Variants in RBFOX1 observed in about 807,000 individuals in gnomAD.
RBFOX1 encodes RNA binding protein fox-1 homolog 1.
RBFOX1 carries 8 observed loss-of-function variants against 57.7 expected under a neutral mutation model. The observed-to-expected ratio is 0.14, with a 90% CI of 0.08 to 0.25. The LOEUF is 0.25. RBFOX1 is among the 10% of genes least tolerant of loss of function. The pLI, the probability that RBFOX1 is intolerant of heterozygous loss-of-function variation, is 1.00. For missense variants in RBFOX1, 611 were observed against 548.5 expected (o/e 1.11, Z -1.14); for synonymous variants, 326 against 222.4 (o/e 1.47, Z -4.15).
intron 4 of RBFOX1, among the ~76,000 whole-genome samples, chr16:7,324,491 C>G (rs1430392821): frequency 1.3e-5 from 2 of 152,142 alleles, no homozygotes; most frequent in Non-Finnish European, 2.9e-5. Flanking sequence ...CAAGCAAGGT[C>G]AACAAATTCT....
intron 2 of RBFOX1, among the ~76,000 whole-genome samples, chr16:5,476,036 C>G (rs912369494): frequency 3.9e-5 from 6 of 152,078 alleles, no homozygotes; most frequent in African/African-American, 1.4e-4. Flanking sequence ...AGCAGCTCAT[C>G]CAGGCTCCTC....
rs1567358656 is a variant in RBFOX1 at position 5,658,780 on chromosome 16, A to ATATAATATATG, written c.318+59820_318+59821insATAATATATGT. Among the ~76,000 whole-genome samples the ATATAATATATG allele has an allele frequency of 5.3e-4, 72 of 136,326 alleles. No individual in the cohort carries two copies. The East Asian group carries it at 0.012, about 22-fold the overall frequency. 89.4% of individuals were successfully genotyped at this position (136,326 alleles called of 152,430 possible). A position where few individuals can be genotyped will look rare whatever the true frequency, so the allele number is the denominator to read the frequency against. ...TATATGTGTATGTATATATGTATAT[A>ATATAATATATG]TGTATATATATAATATATGTGTATA... On this transcript the variant is annotated intron_variant, in intron 3 of 19. Coordinates refer to the RBFOX1 transcript ENST00000641259.
At chr16:5,911,993 A>G (rs995288985) in intron 4 of RBFOX1, among the ~76,000 whole-genome samples, 3 of 152,194 alleles carry the variant, frequency 2.0e-5, no homozygotes, top group African/African-American at 2.4e-5. Context: ...ATTTGGAGAC[A>G]GGAAGACCAA....
intron 3 of RBFOX1, among the ~76,000 whole-genome samples, chr16:6,799,694 G>C (rs866394961): frequency 6.6e-6 from 1 of 152,138 alleles, no homozygotes; most frequent in East Asian, 1.9e-4. Flanking sequence ...AGTTTGCTGA[G>C]TCTTCCACCT....
Position 6,408,361 on chromosome 16 carries a change from G to A in RBFOX1, c.-64+91304G>A, listed in dbSNP as rs1402979222. Reference sequence around the variant, plus strand: ...CAGGGGGGACTTTAATTACCAGTGGGATGTATTTAATGTATGATTTCATTT... The same window carrying A: ...CAGGGGGGACTTTAATTACCAGTGGAATGTATTTAATGTATGATTTCATTT... On this transcript the variant is annotated intron_variant, in intron 2 of 15. Coordinates refer to ENST00000550418, the MANE Select transcript of RBFOX1 (RefSeq NM_018723.4). 7.9e-5 allele frequency among the ~76,000 whole-genome samples: 12 copies of A among 152,222 alleles called. No homozygotes were observed. The South Asian group carries it at 1.0e-3, about 13-fold the overall frequency.
intron 3 of RBFOX1, among the ~76,000 whole-genome samples, chr16:5,790,171 G>A (rs79567201): frequency 0.036 from 5,503 of 152,284 alleles, 321 homozygotes; most frequent in African/African-American, 0.12. Flanking sequence ...TGGACAGGCT[G>A]GACCTGAAAG....
At chr16:7,442,620 T>A (rs2098777499) in intron 4 of RBFOX1, among the ~76,000 whole-genome samples, 2 of 152,136 alleles carry the variant, frequency 1.3e-5, no homozygotes, top group Non-Finnish European at 2.9e-5. Context: ...GCAGGGATTC[T>A]GCTAAATTTT....
At chr16:6,758,628 T>G (rs2076164019) in intron 3 of RBFOX1, among the ~76,000 whole-genome samples, 1 of 152,192 alleles carries the variant, frequency 6.6e-6, no homozygotes, top group Admixed American at 6.6e-5. Context: ...AAATATTTTA[T>G]GCCTAAGACT....
intron 3 of RBFOX1, among the ~76,000 whole-genome samples, chr16:5,625,220 T>C (rs1327812734): frequency 6.6e-6 from 1 of 152,128 alleles, no homozygotes; most frequent in East Asian, 1.9e-4. Context: ...AGGATATTTT[T>C]TTTTCTGTAT....
At chr16:5,814,222 C>T (rs1431102512) in intron 3 of RBFOX1, among the ~76,000 whole-genome samples, 2 of 152,124 alleles carry the variant, frequency 1.3e-5, no homozygotes, top group Non-Finnish European at 2.9e-5. Flanking sequence ...CCTTTCCCAG[C>T]CTTAGCTGAA....
intron 4 of RBFOX1, among the ~76,000 whole-genome samples, chr16:7,407,292 A>T (rs1167452033): frequency 6.6e-6 from 1 of 152,142 alleles, no homozygotes; most frequent in Non-Finnish European, 1.5e-5. Flanking sequence ...TACCACAGGT[A>T]GTTTAGAGCT....
At chr16:7,237,352 C>G (rs958771273) in intron 4 of RBFOX1, among the ~76,000 whole-genome samples, 4 of 152,124 alleles carry the variant, frequency 2.6e-5, no homozygotes, top group Admixed American at 6.6e-5. Flanking sequence ...TTTGGCCATG[C>G]CCTTAATTGA....
Position 6,962,502 on chromosome 16 carries a change from C to T in RBFOX1, c.-15-89555C>T, listed in dbSNP as rs138366626. 2.4e-3 allele frequency among the ~76,000 whole-genome samples: 362 copies of T among 152,284 alleles called. 2 individuals are homozygous for T. Among genetic ancestry groups the T allele is most frequent in the Middle Eastern group, 0.017 (5 of 294 alleles). On this transcript the variant is annotated intron_variant, in intron 3 of 15. Coordinates refer to ENST00000550418, the MANE Select transcript of RBFOX1 (RefSeq NM_018723.4). ...TAATATAGCCGCAGTGTGTCCCTGG[C>T]ATCCTTTCTTCTTACTTCAGAAGCT...
At chr16:6,382,716 C>G (rs1596386653) in intron 2 of RBFOX1, among the ~76,000 whole-genome samples, 1 of 152,070 alleles carries the variant, frequency 6.6e-6, no homozygotes, top group Non-Finnish European at 1.5e-5. Context: ...AAAAATCAGC[C>G]AGATGTGGTG....
rs1567534305 is a variant in RBFOX1, at chr16:5,454,771, T to TTTCTTTTCTTTCTTTC, written c.220-12444_220-12443insTCTTTTCTTTCTTTCT. On this transcript the variant is annotated intron_variant, in intron 1 of 2. Coordinates refer to the RBFOX1 transcript ENST00000585867. ...TTTCTTTTCTTTTCTTTCTTTCTCT[T>TTTCTTTTCTTTCTTTC]TCTTTCTTTCTTTCTTTCTCTTTCT... is the stretch of plus-strand genomic sequence containing the variant. Among the ~76,000 whole-genome samples, 383 of 143,460 alleles carry TTTCTTTTCTTTCTTTC rather than the reference T, an allele frequency of 2.7e-3. 5 individuals are homozygous for TTTCTTTTCTTTCTTTC. The highest frequency in any genetic ancestry group is 9.7e-3 in the African/African-American group (365 of 37,822). The allele number at this position is 143,460 out of a possible 152,430, so 94.1% of individuals were successfully genotyped here. A position where few individuals can be genotyped will look rare whatever the true frequency, so the allele number is the denominator to read the frequency against.
intron 3 of RBFOX1, among the ~76,000 whole-genome samples, chr16:5,693,372 A>AAC (rs762605529): frequency 3.3e-5 from 5 of 151,808 alleles, no homozygotes; most frequent in African/African-American, 4.8e-5. Context: ...CAGATCAAAA[A>AAC]AAAAACAAAA....
intron 3 of RBFOX1, among the ~76,000 whole-genome samples, chr16:7,036,199 G>C (rs1334088124): frequency 9.0e-6 from 1 of 110,768 alleles, no homozygotes; most frequent in East Asian, 3.7e-4. Flanking sequence ...AGTTCACCTT[G>C]ACATTTTTTT....
At chr16:6,864,114 C>T (rs1031444647) in intron 3 of RBFOX1, among the ~76,000 whole-genome samples, 8 of 151,360 alleles carry the variant, frequency 5.3e-5, no homozygotes, top group South Asian at 4.2e-4. Flanking sequence ...AAGAAGAAAG[C>T]GAAGGAGTCT....
intron 10 of RBFOX1, chr16:7,614,591 C>T (rs189297048): frequency 1.3e-5 from 2 of 152,278 alleles, no homozygotes; most frequent in East Asian, 3.9e-4. Context: ...CCCCCAAAAG[C>T]AGGGGGTGTC....
Sources: allele counts gnomAD v4.1 joint callset (sites outside exome capture counted in the v4.1 genomes callset), GRCh38; gene constraint gnomAD v4.1.1; transcripts MANE v1.5; gene names NCBI Gene and HGNC (gene_info 2026-07-23, HGNC 2026-07-21).